Variants in KIAA1614 observed in about 807,000 individuals in gnomAD.
The protein encoded by KIAA1614 is KIAA1614.
In KIAA1614, 76 loss-of-function variants were observed where a neutral mutation model predicts 88.7. That is an observed-to-expected ratio of 0.86 (90% CI 0.71 to 1.04). The LOEUF (loss-of-function observed/expected upper bound fraction) is 1.04. KIAA1614 is among the 50% of genes least tolerant of loss of function. The pLI is 0.00. For missense variants in KIAA1614, 1,553 were observed against 1,582.5 expected (o/e 0.98, Z 0.32); for synonymous variants, 714 against 675.5 (o/e 1.06, Z -0.88).
intron 5 of KIAA1614, among the ~76,000 whole-genome samples, chr1:180,938,258 TC>T (rs1430487582): frequency 1.3e-5 from 2 of 152,202 alleles, no homozygotes; most frequent in African/African-American, 4.8e-5. Context: ...ACAGTGATCA[TC>T]TACTGTGGAC....
Position 180,936,553 on chromosome 1 carries a change from A to G in KIAA1614, c.2644A>G (p.Asn882Asp). ...PLLALSTNNC[N>D]NSAPRGLQEP... ...GCTGGCCCTGTCCACCAACAACTGC[A>G]ACAACAGCGCACCTCGGGGGCTGCA... is the stretch of plus-strand genomic sequence containing the variant. Residue 882 changes from asparagine (N) to aspartate (D), a missense_variant, in exon 5 of 9, where the codon AAC becomes GAC. Physicochemically the swap from Asn to Asp is conservative, Grantham distance 23. Transcript: ENST00000367588. 6.2e-7 allele frequency: 1 copy of G among 1,613,992 alleles called. No homozygotes were observed. Among genetic ancestry groups the G allele is most frequent in the Non-Finnish European group, 8.5e-7 (1 of 1,179,988 alleles).
chr1:180,936,602 A>G lies in KIAA1614; in HGVS notation c.2693A>G (p.His898Arg), dbSNP rs1284405576. 1 of 1,609,672 alleles carries G rather than the reference A, an allele frequency of 6.2e-7. No individual in the cohort carries two copies. The highest frequency in any genetic ancestry group is 8.5e-7 in the Non-Finnish European group (1 of 1,178,642). Residue 898 changes from histidine (H) to arginine (R), a missense_variant, in exon 5 of 9, where the codon CAC becomes CGC. Transcript: ENST00000367588. ...GLQEPYGGAV[H>R]EGRVERGPCS... Reference sequence around the variant, plus strand: ...CAGGAGCCCTACGGGGGAGCCGTCCACGAGGGTAGGGTGGAGAGGGGCCCC... The same window carrying G: ...CAGGAGCCCTACGGGGGAGCCGTCCGCGAGGGTAGGGTGGAGAGGGGCCCC...
Position 180,928,498 on chromosome 1 carries a change from G to A in KIAA1614, c.1130G>A (p.Arg377His), listed in dbSNP as rs140222211. ...GAGGAAGCCACGCATCTGCTGCAGC[G>A]TGCCCGCATGAAGGCCAGGACCCGG... ...RHEEATHLLQ[R>H]ARMKARTRPL... The change falls in exon 4 of 9, where the codon CGT (arginine) becomes CAT (histidine). Residue 377 changes from arginine (R) to histidine (H), a missense_variant. Physicochemically the swap from Arg to His is conservative, Grantham distance 29. Coordinates refer to ENST00000367588, the MANE Select transcript of KIAA1614 (RefSeq NM_020950.2). 5.4e-3 allele frequency: 8,649 copies of A among 1,613,164 alleles called. 53 individuals are homozygous for A. Among genetic ancestry groups the A allele is most frequent in the Middle Eastern group, 0.013 (78 of 6,058 alleles).
At chr1:180,920,176 C>T (rs986357918) in intron 3 of KIAA1614, among the ~76,000 whole-genome samples, 6 of 152,150 alleles carry the variant, frequency 3.9e-5, no homozygotes, top group African/African-American at 9.7e-5. Flanking sequence ...GCTCTATCCC[C>T]GAGTCTCCTG....
chr1:180,922,483 G>C (rs3845411), intron 3 of KIAA1614, among the ~76,000 whole-genome samples: 39,930 of 151,774 alleles, frequency 0.26, 5,493 homozygotes, highest in East Asian at 0.52. Flanking sequence ...GGATTCCTTG[G>C]GGGGTAAAAA....
At chr1:180,942,680 A>C (rs1467271321) in intron 7 of KIAA1614, among the ~76,000 whole-genome samples, 1 of 152,170 alleles carries the variant, frequency 6.6e-6, no homozygotes. Flanking sequence ...GTTTATCCAA[A>C]GCGTGTCTGA....
Position 180,917,045 on chromosome 1 carries a change from C to G in KIAA1614, c.942C>G (p.Ser314Arg), listed in dbSNP as rs756750383. Residue 314 changes from serine (S) to arginine (R), a missense_variant, in exon 2 of 9, where the codon AGC becomes AGG. By Grantham distance (110) the Ser-to-Arg change is moderately radical. Transcript: ENST00000367588. ...AGATGCTCAACGTTTCTGGGCAGAG[C>G]CCCCGCAAGGTGGGAACCCCTGCCT... Reference protein sequence around the residue: ...LQEMLNVSGQSPRKVGTPAWT... With the variant: ...LQEMLNVSGQRPRKVGTPAWT... 3 of 1,613,744 alleles carry G rather than the reference C, an allele frequency of 1.9e-6. No individual in the cohort carries two copies. Among genetic ancestry groups the G allele is most frequent in the East Asian group, 2.2e-5 (1 of 44,884 alleles).
In KIAA1614 at chr1:180,916,418, T is replaced by C; in HGVS notation, c.315T>C (p.Ser105=). Residue 105 remains serine (S), a synonymous_variant, in exon 2 of 9, where the codon TCT becomes TCC. Coordinates refer to ENST00000367588, the MANE Select transcript of KIAA1614 (RefSeq NM_020950.2). ...CCAAACAGGGAGTGAGTCCCTGCTC[T>C]GCTTCCCAAGAGTGGTCATCCCCCA... The part of the protein sequence containing the change: ...TVAKQGVSPC[S]ASQEWSSPKK... 6.2e-7 allele frequency: 1 copy of C among 1,614,222 alleles called. No homozygotes were observed. Among genetic ancestry groups the C allele is most frequent in the Non-Finnish European group, 8.5e-7 (1 of 1,180,034 alleles).
chr1:180,927,199 G>A (rs151302703), intron 3 of KIAA1614, among the ~76,000 whole-genome samples: 37 of 152,272 alleles, frequency 2.4e-4, no homozygotes, highest in Non-Finnish European at 4.1e-4. Flanking sequence ...CAGGACCATG[G>A]TGAGGGGCTG....
At chr1:180,943,548 A>ATTTTTTTTT (rs201999726) in intron 7 of KIAA1614, among the ~76,000 whole-genome samples, 9,103 of 74,056 alleles carry the variant, frequency 0.12, 1,701 homozygotes, top group Non-Finnish European at 0.16. Context: ...ATGGTAGTAG[A>ATTTTTTTTT]TCTTTTTTTT....
chr1:180,934,673 G>A (rs1202787773), intron 4 of KIAA1614, among the ~76,000 whole-genome samples: 3 of 152,150 alleles, frequency 2.0e-5, no homozygotes, highest in South Asian at 2.1e-4. Context: ...TCCTGTTCCC[G>A]TGACAGCATT....
In KIAA1614 at chr1:180,935,996, C is replaced by T. The variant is rs566865809; in HGVS notation, c.2087C>T (p.Thr696Met). Residue 696 changes from threonine to methionine, a missense_variant, in exon 5 of 9, where the codon ACG (threonine) becomes ATG (methionine). Transcript: ENST00000367588. The surrounding 1 kb of genome is among the most constrained non-coding windows in gnomAD (Gnocchi z 6.1). The stretch of plus-strand genomic sequence containing the variant: ...GAGGTGAAAGAGGGCAGAGGACACA[C>T]GCCTGAAGGAACTCTATTTTTGAGA... ...ENEVKEGRGH[T>M]PEGTLFLRED... The T allele has an allele frequency of 2.8e-5, 46 of 1,614,082 alleles. No homozygotes were observed. In the South Asian group the frequency reaches 2.9e-4, roughly 10 times the overall value.
chr1:180,919,363 C>T (rs1410206321), intron 3 of KIAA1614, among the ~76,000 whole-genome samples: 1 of 152,192 alleles, frequency 6.6e-6, no homozygotes, highest in Non-Finnish European at 1.5e-5. Flanking sequence ...GTTTCCAGAC[C>T]CTCCTCTGGT....
rs773975778 is a variant in KIAA1614, at chr1:180,935,655, C to G, written c.1746C>G (p.Leu582=). ...GTGGCCTGAGCTCCCCACTCCGGCT[C>G]CTTCCTGCAGAGCCCCGGCTCCACA... is the stretch of plus-strand genomic sequence containing the variant. ...VLGGLSSPLR[L]LPAEPRLHME... Residue 582 remains leucine (L), a synonymous_variant, in exon 5 of 9, where the codon CTC becomes CTG. Coordinates refer to ENST00000367588, the MANE Select transcript of KIAA1614 (RefSeq NM_020950.2). This position sits in a 1 kb window ranked among gnomAD's most constrained non-coding sequence, Gnocchi z 6.1. 3 of 1,612,938 alleles carry G rather than the reference C, an allele frequency of 1.9e-6. No individual in the cohort carries two copies. In the East Asian group the frequency reaches 6.7e-5, roughly 36 times the overall value.
Position 180,935,879 on chromosome 1 carries a change from A to G in KIAA1614, c.1970A>G (p.His657Arg). Residue 657 changes from histidine (H) to arginine (R), a missense_variant, in exon 5 of 9, where the codon CAC becomes CGC. Transcript: ENST00000367588. The surrounding 1 kb of genome is among the most constrained non-coding windows in gnomAD (Gnocchi z 6.1). Reference sequence around the variant, plus strand: ...CTGCGGGGCTCCAGGCCTCGAGGCCACAGGTGGTCCAAGAAGGCTGAGGCG... The same window carrying G: ...CTGCGGGGCTCCAGGCCTCGAGGCCGCAGGTGGTCCAAGAAGGCTGAGGCG... ...LRLRGSRPRGHRWSKKAEAEL... is the reference protein window; with the variant it reads ...LRLRGSRPRGRRWSKKAEAEL... 6.2e-7 allele frequency: 1 copy of G among 1,613,882 alleles called. No homozygotes were observed. Among genetic ancestry groups the G allele is most frequent in the Non-Finnish European group, 8.5e-7 (1 of 1,179,930 alleles).
rs962174458 is a variant in KIAA1614, at chr1:180,949,740, A to T, written c.*4152A>T. 6.6e-6 allele frequency: 1 copy of T among 152,170 alleles called. No individual in the cohort carries two copies. Among genetic ancestry groups the T allele is most frequent in the Admixed American group, 6.5e-5 (1 of 15,282 alleles). 9.4% of individuals were successfully genotyped at this position (152,170 alleles called of 1,614,324 possible). On this transcript the variant is annotated 3_prime_UTR_variant, in exon 9 of 9. Transcript: ENST00000367588. ...ATTTTTCCTGGGGTTTTTTGCTCAGATGCTTCCCCATCCCAATTGAGGAGC... is the reference window on the plus strand; with the variant it reads ...ATTTTTCCTGGGGTTTTTTGCTCAGTTGCTTCCCCATCCCAATTGAGGAGC...
In KIAA1614 at chr1:180,917,706, G is replaced by A. The variant is rs548589616; in HGVS notation, c.998-145G>A. ...CACAGCAGTCATCGTGACAGGCTCA[G>A]CCTCCAATTTTCAGGCAAAGTGTTA... On this transcript the variant is annotated intron_variant, in intron 2 of 8. Coordinates refer to ENST00000367588, the MANE Select transcript of KIAA1614 (RefSeq NM_020950.2). 267 of 690,868 alleles carry A rather than the reference G, an allele frequency of 3.9e-4. 1 individual carries two copies. Among genetic ancestry groups the A allele is most frequent in the Non-Finnish European group, 4.3e-4 (164 of 385,738 alleles). 42.8% of individuals were successfully genotyped at this position (690,868 alleles called of 1,614,324 possible).
chr1:180,921,577 AC>A (rs1653952521), intron 3 of KIAA1614, among the ~76,000 whole-genome samples: 1 of 152,024 alleles, frequency 6.6e-6, no homozygotes, highest in Non-Finnish European at 1.5e-5. Flanking sequence ...GCCACAAGCC[AC>A]CCTGTCCCTG....
intron 7 of KIAA1614, among the ~76,000 whole-genome samples, chr1:180,942,217 C>T (rs569134290): frequency 1.3e-5 from 2 of 152,322 alleles, no homozygotes; most frequent in East Asian, 1.9e-4. Context: ...CCGGTACTTA[C>T]TAGGGAAGCT....
Sources: gnomAD v4.1 joint callset for allele counts (sites outside exome capture counted in the v4.1 genomes callset) on GRCh38, gnomAD v4.1.1 for gene constraint, Gnocchi (gnomAD v3.1) non-coding constraint, MANE v1.5 for transcripts, NCBI Gene and HGNC (gene_info 2026-07-23, HGNC 2026-07-21) for gene names.